ACOT1: variants seen among roughly 807,000 people sequenced by gnomAD.
ACOT1 encodes the protein acyl-CoA thioesterase 1.
In ACOT1, 8 loss-of-function variants were observed where a neutral mutation model predicts 15.7. The observed-to-expected ratio is 0.51, with a 90% confidence interval of 0.30 to 0.92. The LOEUF is 0.92. ACOT1 is among the 40% of genes least tolerant of loss of function. The pLI, the probability that ACOT1 is intolerant of heterozygous loss-of-function variation, is 0.06. For synonymous variants in ACOT1, 67 were observed against 241.2 expected (o/e 0.28, Z 6.69); for missense variants, 151 against 539.4 (o/e 0.28, Z 7.13).
the ACOT1 span, among the ~76,000 whole-genome samples, chr14:73,501,219 C>T: frequency 2.6e-5 from 4 of 151,650 alleles, no homozygotes; most frequent in South Asian, 2.1e-4. Flanking sequence ...CCTGGGTTCA[C>T]GCCATTCTCC....
the ACOT1 span, chr14:73,522,652 A>G: frequency 1.9e-6 from 3 of 1,614,050 alleles, no homozygotes; most frequent in Non-Finnish European, 2.5e-6. Context: ...GCATGCAGGG[A>G]TGATGGATGA....
At chr14:73,506,284 T>C in the ACOT1 span, among the ~76,000 whole-genome samples, 2 of 152,184 alleles carry the variant, frequency 1.3e-5, no homozygotes, top group Non-Finnish European at 1.5e-5. Context: ...CTGAGAAGCA[T>C]TGGCTTCCAG....
the ACOT1 span, among the ~76,000 whole-genome samples, chr14:73,493,615 A>G: frequency 6.6e-6 from 1 of 152,136 alleles, no homozygotes; most frequent in African/African-American, 2.4e-5. Context: ...AGGCGGGTGG[A>G]TCACCTGAGG....
chr14:73,513,024 T>C, the ACOT1 span, among the ~76,000 whole-genome samples: 19 of 152,294 alleles, frequency 1.2e-4, no homozygotes, highest in South Asian at 3.3e-3. Flanking sequence ...AAAGTAGGTA[T>C]AGGATAGCCC....
the ACOT1 span, chr14:73,492,670 TC>T: frequency 6.2e-7 from 1 of 1,613,966 alleles, no homozygotes; most frequent in Non-Finnish European, 8.5e-7. This position sits in a 1 kb window ranked among gnomAD's most constrained non-coding sequence, Gnocchi z 4.9. Context: ...TCCATATGCT[TC>T]AGGATGGGAT....
chr14:73,531,101 A>G, the ACOT1 span: 4 of 110,838 alleles, frequency 3.6e-5, 1 homozygote, highest in South Asian at 1.2e-3. Flanking sequence ...AGCTGACACC[A>G]TCCAGCACCT....
chr14:73,509,510 C>G, the ACOT1 span: 2 of 1,605,342 alleles, frequency 1.2e-6, no homozygotes, highest in African/African-American at 2.7e-5. Context: ...AGTACTAGCC[C>G]CTTTGCTTTT....
At chr14:73,495,418 A>G in the ACOT1 span, 1 of 1,574,000 alleles carries the variant, frequency 6.4e-7, no homozygotes, top group Admixed American at 1.7e-5. Flanking sequence ...TTTGAAAAAC[A>G]AAACAAAACA....
chr14:73,521,415 G>C, the ACOT1 span, among the ~76,000 whole-genome samples: 1 of 152,166 alleles, frequency 6.6e-6, no homozygotes, highest in East Asian at 1.9e-4. Context: ...TCTGTGTGTG[G>C]TTATTTAATG....
chr14:73,498,960 T>C, the ACOT1 span: 1 of 895,360 alleles, frequency 1.1e-6, no homozygotes, highest in Non-Finnish European at 1.8e-6. Flanking sequence ...AAAGCTAAGA[T>C]CATTACCTCT....
the ACOT1 span, chr14:73,512,088 A>G: frequency 1.2e-6 from 2 of 1,614,154 alleles, no homozygotes; most frequent in Non-Finnish European, 1.7e-6. Flanking sequence ...TCCGAACGTC[A>G]TCATGCAGGT....
chr14:73,496,998 C>T, the ACOT1 span, among the ~76,000 whole-genome samples: 4 of 152,134 alleles, frequency 2.6e-5, no homozygotes, highest in Admixed American at 2.0e-4. Context: ...CAGGTTCAAG[C>T]GATTCTCCTG....
rs147804364 is a variant in ACOT1, at chr14:73,542,983, G to A, written c.661-67G>A. On this transcript the variant is annotated intron_variant, in intron 2 of 2. Coordinates refer to ENST00000311148, the MANE Select transcript of ACOT1 (RefSeq NM_001037161.2). The stretch of plus-strand genomic sequence containing the variant: ...CAGGTTCAACTAACTTCCAGGGTGG[G>A]CACAACTCACCATATTCCACTGTTT... The A allele has an allele frequency of 2.9e-4, 352 of 1,229,558 alleles. 50 individuals are homozygous for A. The highest frequency in any genetic ancestry group is 1.9e-3 in the African/African-American group (116 of 61,088). The allele number at this position is 1,229,558 out of a possible 1,614,324, so 76.2% of individuals were successfully genotyped here.
chr14:73,498,403 C>T, the ACOT1 span: 2 of 1,440,816 alleles, frequency 1.4e-6, no homozygotes, highest in Non-Finnish European at 1.9e-6. Flanking sequence ...TTCTAGCATC[C>T]AGAAATAAAT....
At chr14:73,525,902 G>A in the ACOT1 span, among the ~76,000 whole-genome samples, 3 of 150,958 alleles carry the variant, frequency 2.0e-5, no homozygotes, top group East Asian at 1.9e-4. Context: ...GCAGTGAGAC[G>A]AAATGGTGCC....
At chr14:73,492,108 T>A in the ACOT1 span, 22 of 1,613,470 alleles carry the variant, frequency 1.4e-5, no homozygotes, top group Non-Finnish European at 1.9e-5. The surrounding 1 kb of genome is among the most constrained non-coding windows in gnomAD (Gnocchi z 4.9). Flanking sequence ...CGACCCCGAG[T>A]CCCAACCGAG....
chr14:73,500,862 G>C, the ACOT1 span: 3 of 761,882 alleles, frequency 3.9e-6, no homozygotes, highest in Non-Finnish European at 4.2e-6. Flanking sequence ...ATGCTCATGA[G>C]ATAAGTTTTA....
At chr14:73,519,037 G>A in the ACOT1 span, 1 of 1,613,370 alleles carries the variant, frequency 6.2e-7, no homozygotes, top group Non-Finnish European at 8.5e-7. Flanking sequence ...TTCAGGAATT[G>A]CCTGGGCACT....
the ACOT1 span, chr14:73,498,198 A>G: frequency 3.4e-5 from 55 of 1,613,908 alleles, no homozygotes; most frequent in African/African-American, 5.7e-4. Context: ...ACGTCTAGGA[A>G]GGTGTCCCTG....
Sources: gnomAD v4.1 joint callset for allele counts (sites outside exome capture counted in the v4.1 genomes callset) on GRCh38, gnomAD v4.1.1 for gene constraint, Gnocchi (gnomAD v3.1) non-coding constraint, MANE v1.5 for transcripts, NCBI Gene and HGNC (gene_info 2026-07-23, HGNC 2026-07-21) for gene names.